Variants in KATNA1 observed in about 807,000 individuals in gnomAD.
The protein encoded by KATNA1 is katanin catalytic subunit A1, also known as katanin p60 ATPase-containing subunit A1.
A neutral mutation model predicts 62.6 loss-of-function variants in KATNA1; 42 were observed. That is an observed-to-expected ratio of 0.67 (90% CI 0.52 to 0.87). KATNA1 has a LOEUF of 0.87. Among genes scored for constraint, KATNA1 ranks in the 40% least tolerant of loss-of-function variants. The pLI, the probability that KATNA1 is intolerant of heterozygous loss-of-function variation, is 0.00. For synonymous variants in KATNA1, 186 were observed against 201.9 expected (o/e 0.92, Z 0.67); for missense variants, 498 against 612.5 (o/e 0.81, Z 1.97).
intron 4 of KATNA1, among the ~76,000 whole-genome samples, chr6:149,611,198 C>G (rs1043511911): frequency 6.6e-6 from 1 of 152,098 alleles, no homozygotes; most frequent in African/African-American, 2.4e-5. Context: ...CAGTGGCTCA[C>G]GCCTGTAATC....
chr6:149,630,845 T>C, intron 3 of KATNA1, among the ~76,000 whole-genome samples: 1 of 152,078 alleles, frequency 6.6e-6, no homozygotes, highest in East Asian at 1.9e-4. Context: ...AATTAGAGAT[T>C]GTTAGGACTG....
chr6:149,597,772 G>T, intron 8 of KATNA1, 131 bp from the exon 9 acceptor site: 1 of 790,326 alleles, frequency 1.3e-6, no homozygotes, highest in Non-Finnish European at 2.0e-6. Flanking sequence ...GCCTCCTTAA[G>T]ACTTAGGTTA....
chr6:149,602,552 CTT>C (rs1400948025), intron 6 of KATNA1, among the ~76,000 whole-genome samples: 1 of 151,902 alleles, frequency 6.6e-6, no homozygotes, highest in East Asian at 1.9e-4. Context: ...CAGCCCATGA[CTT>C]TAAAAAGTAT....
At position 149,597,044 on chromosome 6, in the gene KATNA1, C is replaced by G. The variant is rs1312632051; in HGVS notation, c.1277+19G>C. ...AAGTTTATGCTTACAAAAACCTATG[C>G]TTCCATGATAATTCATACCTGCACA... On this transcript the variant is annotated intron_variant, in intron 10 of 10. Coordinates refer to ENST00000367411, the MANE Select transcript of KATNA1 (RefSeq NM_007044.4). 1 of 1,607,784 alleles carries G rather than the reference C, an allele frequency of 6.2e-7. No individual in the cohort carries two copies. Among genetic ancestry groups the G allele is most frequent in the Non-Finnish European group, 8.5e-7 (1 of 1,178,130 alleles).
intron 1 of KATNA1, among the ~76,000 whole-genome samples, chr6:149,645,456 CAAA>C (rs201041700): frequency 1.6e-5 from 2 of 123,800 alleles, no homozygotes; most frequent in South Asian, 2.4e-4. Flanking sequence ...AAACAAAAAA[CAAA>C]AAAAAAAAAA....
chr6:149,613,215 A>AAAAAAAAAAAAC, intron 4 of KATNA1, among the ~76,000 whole-genome samples: 1 of 142,518 alleles, frequency 7.0e-6, no homozygotes, highest in South Asian at 2.2e-4. Context: ...AAAAAAAAAA[A>AAAAAAAAAAAAC]AAGAACATCT....
chr6:149,640,609 G>A (rs192639013), intron 1 of KATNA1, among the ~76,000 whole-genome samples: 24 of 151,894 alleles, frequency 1.6e-4, no homozygotes, highest in African/African-American at 5.8e-4. Context: ...GTGCAGTGGC[G>A]CAATCTCGGC....
rs1398572147 is a variant in KATNA1 at position 149,648,540 on chromosome 6, G to C, written c.-85C>G. On this transcript the variant is annotated 5_prime_UTR_variant, in exon 1 of 11. Coordinates refer to ENST00000367411, the MANE Select transcript of KATNA1 (RefSeq NM_007044.4). ...GGGGATTGGCGGAGTGGAGATCCCGGCAGCGAGGAAGGAGGGCCTGACCCA... is the reference window on the plus strand; with the variant it reads ...GGGGATTGGCGGAGTGGAGATCCCGCCAGCGAGGAAGGAGGGCCTGACCCA... 6.6e-6 allele frequency: 1 copy of C among 152,500 alleles called. No homozygotes were observed. Among genetic ancestry groups the C allele is most frequent in the Non-Finnish European group, 1.5e-5 (1 of 68,282 alleles). The allele number at this position is 152,500 out of a possible 1,614,324, so 9.4% of individuals were successfully genotyped here.
intron 4 of KATNA1, among the ~76,000 whole-genome samples, chr6:149,620,151 G>A (rs775459903): frequency 1.5e-4 from 23 of 152,136 alleles, no homozygotes; most frequent in South Asian, 4.1e-4. Flanking sequence ...TCTCATAGAC[G>A]TACAGAGTAC....
intron 4 of KATNA1, among the ~76,000 whole-genome samples, chr6:149,608,799 G>A (rs938395078): frequency 4.6e-5 from 7 of 152,074 alleles, no homozygotes; most frequent in East Asian, 3.9e-4. Context: ...AACTTCCACC[G>A]CAGCTCAGCA....
intron 1 of KATNA1, among the ~76,000 whole-genome samples, chr6:149,646,520 C>G (rs779582105): frequency 6.6e-6 from 1 of 152,174 alleles, no homozygotes; most frequent in African/African-American, 2.4e-5. Context: ...AATTTATAGT[C>G]AGCCACTGAT....
intron 3 of KATNA1, among the ~76,000 whole-genome samples, chr6:149,625,641 A>C (rs1242451661): frequency 6.7e-6 from 1 of 150,170 alleles, no homozygotes; most frequent in Non-Finnish European, 1.5e-5. Flanking sequence ...AAGAAAGAAA[A>C]GATACTCCTA....
intron 4 of KATNA1, among the ~76,000 whole-genome samples, chr6:149,607,873 C>A (rs900215701): frequency 3.9e-5 from 6 of 152,072 alleles, no homozygotes; most frequent in Non-Finnish European, 8.8e-5. Context: ...CGAGACCAGC[C>A]TGGCCAACAT....
At chr6:149,624,644 A>C (rs1216469813) in intron 3 of KATNA1, among the ~76,000 whole-genome samples, 2 of 151,960 alleles carry the variant, frequency 1.3e-5, no homozygotes, top group Non-Finnish European at 2.9e-5. Context: ...CCTCCCAAAG[A>C]GCTGGGACTA....
At chr6:149,618,075 A>G (rs1292602242) in intron 4 of KATNA1, among the ~76,000 whole-genome samples, 2 of 149,356 alleles carry the variant, frequency 1.3e-5, no homozygotes, top group South Asian at 2.1e-4. Context: ...GGATCGCTTG[A>G]ACCTGGGAGG....
chr6:149,643,688 C>T (rs564072039), intron 1 of KATNA1, among the ~76,000 whole-genome samples: 1 of 142,856 alleles, frequency 7.0e-6, no homozygotes. Flanking sequence ...AGTTGTTGTC[C>T]TTTTTTTTTT....
intron 4 of KATNA1, among the ~76,000 whole-genome samples, chr6:149,617,640 A>G (rs1007673847): frequency 2.6e-5 from 4 of 152,122 alleles, no homozygotes; most frequent in African/African-American, 7.2e-5. Flanking sequence ...TCTCCACTAC[A>G]AATACAAAAT....
chr6:149,628,711 A>G (rs1582794977), intron 3 of KATNA1, among the ~76,000 whole-genome samples: 1 of 151,372 alleles, frequency 6.6e-6, no homozygotes, highest in African/African-American at 2.4e-5. Flanking sequence ...TCCCAGCTAC[A>G]TGGGAGGCTG....
chr6:149,631,437 G>C (rs1395849457), intron 3 of KATNA1: 4 of 151,996 alleles, frequency 2.6e-5, no homozygotes, highest in African/African-American at 4.8e-5. Flanking sequence ...ATGTAACCAA[G>C]GCTGGTCCGA....
Sources: allele counts gnomAD v4.1 joint callset (sites outside exome capture counted in the v4.1 genomes callset), GRCh38; gene constraint gnomAD v4.1.1; transcripts MANE v1.5; gene names NCBI Gene and HGNC (gene_info 2026-07-23, HGNC 2026-07-21).